Variants in FLT3 observed in about 807,000 individuals in gnomAD.
The protein encoded by FLT3 is fms related receptor tyrosine kinase 3, also known as receptor-type tyrosine-protein kinase FLT3.
FLT3 carries 46 observed loss-of-function variants against 126.6 expected under a neutral mutation model. That is an observed-to-expected ratio of 0.36 (90% CI 0.29 to 0.46). The LOEUF is 0.46. Ranked by LOEUF, FLT3 falls within the 20% of genes least tolerant of loss-of-function variation. The pLI is 1.00. For missense variants in FLT3, 1,069 were observed against 1,190.3 expected, an observed-to-expected ratio of 0.90 and a Z score of 1.50; for synonymous variants, 404 against 434.4, an observed-to-expected ratio of 0.93 and a Z score of 0.87.
intron 1 of FLT3, among the ~76,000 whole-genome samples, chr13:28,093,745 C>G (rs1332513212): frequency 2.4e-4 from 36 of 152,248 alleles, no homozygotes; most frequent in Non-Finnish European, 5.9e-5. Flanking sequence ...AGAGGTTCAG[C>G]CACTGTGCAT....
chr13:28,090,300 T>C (rs1878953043), intron 1 of FLT3, among the ~76,000 whole-genome samples: 1 of 151,016 alleles, frequency 6.6e-6, no homozygotes, highest in Admixed American at 6.6e-5. Context: ...CCTCCCAAAG[T>C]GCTGGGATTA....
intron 1 of FLT3, among the ~76,000 whole-genome samples, chr13:28,071,538 G>A (rs1216205147): frequency 6.6e-6 from 1 of 151,940 alleles, no homozygotes; most frequent in African/African-American, 2.4e-5. Context: ...CCATGATTTA[G>A]ATATTTTCCC....
At chr13:28,070,065 T>C (rs1311393161) in intron 2 of FLT3, among the ~76,000 whole-genome samples, 1 of 152,214 alleles carries the variant, frequency 6.6e-6, no homozygotes, top group Non-Finnish European at 1.5e-5. Flanking sequence ...CAGTGAGCTA[T>C]GATCATGCCA....
intron 9 of FLT3, 142 bp from the exon 10 acceptor site, chr13:28,037,430 T>C (rs1221661228): frequency 1.6e-6 from 1 of 618,226 alleles, no homozygotes; most frequent in Non-Finnish European, 2.9e-6. Context: ...GTCCATATTG[T>C]AGACCCTTGC....
At chr13:28,047,366 G>C (rs1259398106) in intron 9 of FLT3, among the ~76,000 whole-genome samples, 4 of 152,136 alleles carry the variant, frequency 2.6e-5, no homozygotes, top group Non-Finnish European at 5.9e-5. Flanking sequence ...AAGATATAGG[G>C]GAAAGTTGTT....
intron 19 of FLT3, 40 bp from the exon 20 acceptor site, chr13:28,018,629 G>A (rs2137624756): frequency 1.2e-6 from 2 of 1,607,634 alleles, no homozygotes; most frequent in Non-Finnish European, 1.7e-6. Context: ...ACTGTGATGT[G>A]TATTATCCTG....
At position 28,086,718 on chromosome 13, in the gene FLT3, C is replaced by T. The variant is rs141985145; in HGVS notation, c.43+13750G>A. ...CTGGAGTGCAGTGGTGAAATCTCTG[C>T]TCACTTCAACCTCCGCCTCCCAGGT... On this transcript the variant is annotated intron_variant, in intron 1 of 23. Coordinates refer to ENST00000241453, the MANE Select transcript of FLT3 (RefSeq NM_004119.3). Among the ~76,000 whole-genome samples, 425 of 151,508 alleles carry T rather than the reference C, an allele frequency of 2.8e-3. 3 individuals carry two copies. Among genetic ancestry groups the T allele is most frequent in the African/African-American group, 9.6e-3 (397 of 41,210 alleles).
rs1263679033 is a variant in FLT3, at chr13:28,026,576, T to C, written c.2207+512A>G. Among the ~76,000 whole-genome samples the C allele has an allele frequency of 3.1e-5, 4 of 128,056 alleles. No homozygotes were observed. In the East Asian group the frequency reaches 8.5e-4, roughly 27 times the overall value. 84.0% of individuals were successfully genotyped at this position (128,056 alleles called of 152,430 possible). ...GACCAAGCATCTCTCAGGATCCCCA[T>C]GGATGCGGAGGATAAACACAGAGCA... On this transcript the variant is annotated intron_variant, in intron 17 of 23. Coordinates refer to ENST00000241453, the MANE Select transcript of FLT3 (RefSeq NM_004119.3).
intron 20 of FLT3, among the ~76,000 whole-genome samples, chr13:28,017,469 C>T (rs1033298319): frequency 3.3e-5 from 5 of 152,104 alleles, no homozygotes; most frequent in African/African-American, 1.2e-4. Context: ...AAGCAATTCT[C>T]CCACCTTGGC....
At chr13:28,091,365 G>A (rs1182399000) in intron 1 of FLT3, among the ~76,000 whole-genome samples, 4 of 149,272 alleles carry the variant, frequency 2.7e-5, no homozygotes, top group East Asian at 3.9e-4. Context: ...GGGACTACAG[G>A]CGCCCGCCAC....
chr13:28,015,303 T>C (rs373728826), intron 21 of FLT3, 47 bp from the exon 22 acceptor site: 1 of 1,224,598 alleles, frequency 8.2e-7, no homozygotes, highest in African/African-American at 1.5e-5. Context: ...ATTTCTTCAT[T>C]TGTTTATTGA....
chr13:28,079,238 T>C (rs1443032705), intron 1 of FLT3, among the ~76,000 whole-genome samples: 1 of 152,194 alleles, frequency 6.6e-6, no homozygotes, highest in East Asian at 1.9e-4. Flanking sequence ...TGCTAAAACA[T>C]AACAAGAGTC....
chr13:28,035,714 T>G, intron 11 of FLT3, 41 bp from the exon 12 acceptor site: 1 of 1,567,892 alleles, frequency 6.4e-7, no homozygotes, highest in Non-Finnish European at 8.6e-7. Context: ...AGGTGAGCTG[T>G]CATCAGATTG....
intron 10 of FLT3, among the ~76,000 whole-genome samples, 165 bp downstream of exon 10, chr13:28,037,020 T>G (rs907058881): frequency 6.6e-6 from 1 of 152,126 alleles, no homozygotes; most frequent in Non-Finnish European, 1.5e-5. Flanking sequence ...AAAAGATATA[T>G]GATCAATGCC....
intron 15 of FLT3, among the ~76,000 whole-genome samples, chr13:28,028,973 G>T (rs1362049330): frequency 6.6e-6 from 1 of 151,538 alleles, no homozygotes; most frequent in African/African-American, 2.4e-5. Context: ...GTAGAGATGG[G>T]GTCTCACCAT....
At chr13:28,060,608 T>G (rs1876462739) in intron 3 of FLT3, among the ~76,000 whole-genome samples, 1 of 152,122 alleles carries the variant, frequency 6.6e-6, no homozygotes, top group Non-Finnish European at 1.5e-5. Context: ...ACTTGTTTCT[T>G]TTTTTCTTTT....
At chr13:28,042,478 A>G (rs1004222199) in intron 9 of FLT3, among the ~76,000 whole-genome samples, 1 of 137,560 alleles carries the variant, frequency 7.3e-6, no homozygotes, top group Non-Finnish European at 1.5e-5. Flanking sequence ...CTGGAGGTGG[A>G]ATTATGTGTT....
rs777510370 is a variant in FLT3, at chr13:28,014,506, G to A, written c.2805C>T (p.Ser935=). 1.9e-6 allele frequency: 3 copies of A among 1,613,960 alleles called. No individual in the cohort carries two copies. Residue 935 remains serine, a synonymous_variant, in exon 23 of 24, where the codon TCC becomes TCT. Coordinates refer to ENST00000241453, the MANE Select transcript of FLT3 (RefSeq NM_004119.3). Reference sequence around the variant, plus strand: ...CTAAAAACGAAGTCAAATTAGGGAAGGATGGCCGTTTCCTTGAGTCAAAAG... The same window carrying A: ...CTAAAAACGAAGTCAAATTAGGGAAAGATGGCCGTTTCCTTGAGTCAAAAG... ...CWAFDSRKRP[S]FPNLTSFLGC...
chr13:28,045,107 T>A (rs1054719392), intron 9 of FLT3, among the ~76,000 whole-genome samples: 5 of 152,176 alleles, frequency 3.3e-5, no homozygotes, highest in Admixed American at 3.3e-4. Context: ...GATAACAATC[T>A]GGGGTCATGG....
Sources: gnomAD v4.1 joint callset for allele counts (sites outside exome capture counted in the v4.1 genomes callset) on GRCh38, gnomAD v4.1.1 for gene constraint, MANE v1.5 for transcripts, NCBI Gene and HGNC (gene_info 2026-07-23, HGNC 2026-07-21) for gene names.